LINGO2: variants seen among roughly 807,000 people sequenced by gnomAD.
LINGO2 encodes leucine rich repeat and Ig domain containing 2.
A neutral mutation model predicts 30.6 loss-of-function variants in LINGO2; 14 were observed. The observed-to-expected ratio is 0.46, with a 90% CI of 0.30 to 0.72. LINGO2 has a LOEUF of 0.72. Ranked by LOEUF, LINGO2 falls within the 30% of genes least tolerant of loss-of-function variation. The probability of loss-of-function intolerance (pLI) is 0.07; values close to 1 mark genes in which losing one functional copy is unlikely to be tolerated. For synonymous variants in LINGO2, 317 were observed against 288.5 expected (o/e 1.10, Z -1.00); for missense variants, 729 against 751.7 (o/e 0.97, Z 0.35).
intron 4 of LINGO2, among the ~76,000 whole-genome samples, chr9:28,123,028 A>T (rs1478434026): frequency 6.6e-6 from 1 of 152,144 alleles, no homozygotes; most frequent in East Asian, 1.9e-4. Flanking sequence ...TCTTTGGACC[A>T]AATTCTCAGC....
the LINGO2 span, among the ~76,000 whole-genome samples, chr9:28,960,377 G>A: frequency 6.6e-6 from 1 of 151,738 alleles, no homozygotes; most frequent in Non-Finnish European, 1.5e-5. Flanking sequence ...GTGGGCACCT[G>A]CAGTTCCAGC....
chr9:28,693,395 T>A, the LINGO2 span, among the ~76,000 whole-genome samples: 1 of 152,162 alleles, frequency 6.6e-6, no homozygotes, highest in Non-Finnish European at 1.5e-5. Context: ...TTTATTGCAC[T>A]GCTCTCATCC....
Position 28,402,782 on chromosome 9 carries a change from C to T in LINGO2, c.-278-29914G>A, listed in dbSNP as rs77428383. Among the ~76,000 whole-genome samples the T allele has an allele frequency of 9.2e-4, 140 of 152,212 alleles. 1 individual carries two copies. Among genetic ancestry groups the T allele is most frequent in the African/African-American group, 2.6e-3 (108 of 41,544 alleles). On this transcript the variant is annotated intron_variant, in intron 2 of 5. Coordinates refer to ENST00000379992, the Ensembl canonical transcript of LINGO2. The stretch of plus-strand genomic sequence containing the variant: ...ATATCCCAGGCTATCTTTCCCATCA[C>T]GTTTTTTCTGTCTTCTTTCTCAGTG...
At chr9:28,773,553 T>C in the LINGO2 span, among the ~76,000 whole-genome samples, 3 of 152,292 alleles carry the variant, frequency 2.0e-5, no homozygotes, top group East Asian at 3.9e-4. Context: ...AATGGTGGGC[T>C]GCATACTGAA....
At chr9:28,542,307 A>G (rs1024107015) in intron 1 of LINGO2, among the ~76,000 whole-genome samples, 2 of 151,894 alleles carry the variant, frequency 1.3e-5, no homozygotes, top group Admixed American at 1.3e-4. Flanking sequence ...CTATCTGCTG[A>G]TAGCTCTCCC....
chr9:28,463,432 G>C (rs1023851228), intron 2 of LINGO2, among the ~76,000 whole-genome samples: 1 of 151,984 alleles, frequency 6.6e-6, no homozygotes, highest in East Asian at 1.9e-4. Flanking sequence ...AATGAGAAAA[G>C]TGTTCACCTG....
chr9:28,763,565 G>C, the LINGO2 span, among the ~76,000 whole-genome samples: 1 of 151,388 alleles, frequency 6.6e-6, no homozygotes, highest in Non-Finnish European at 1.5e-5. Flanking sequence ...GGCAATAAAT[G>C]CCTACATTAA....
chr9:28,633,624 G>T (rs1184831580), intron 1 of LINGO2, among the ~76,000 whole-genome samples: 1 of 152,084 alleles, frequency 6.6e-6, no homozygotes, highest in Non-Finnish European at 1.5e-5. Flanking sequence ...TTGAAAAATT[G>T]AGATGTTCAT....
At chr9:29,135,330 C>T in the LINGO2 span, among the ~76,000 whole-genome samples, 1 of 152,026 alleles carries the variant, frequency 6.6e-6, no homozygotes, top group Non-Finnish European at 1.5e-5. Context: ...GAGGCCAAAG[C>T]GAGCAGATCA....
At chr9:29,106,018 T>G in the LINGO2 span, among the ~76,000 whole-genome samples, 2 of 152,206 alleles carry the variant, frequency 1.3e-5, no homozygotes, top group Non-Finnish European at 2.9e-5. Flanking sequence ...GCAGGAGACC[T>G]GCTAAAAACA....
intron 2 of LINGO2, among the ~76,000 whole-genome samples, chr9:28,405,847 C>T (rs1412233): frequency 0.58 from 88,610 of 151,704 alleles, 27,096 homozygotes; most frequent in Non-Finnish European, 0.68. Context: ...CGTTTTTCTT[C>T]CTTCCTTTTT....
At chr9:28,151,671 A>C (rs1448691926) in intron 4 of LINGO2, among the ~76,000 whole-genome samples, 1 of 151,848 alleles carries the variant, frequency 6.6e-6, no homozygotes, top group African/African-American at 2.4e-5. Context: ...GTTACTAGAA[A>C]ACTCAAAACA....
the LINGO2 span, among the ~76,000 whole-genome samples, chr9:28,710,511 A>AT: frequency 1.1e-4 from 17 of 151,986 alleles, no homozygotes; most frequent in East Asian, 1.2e-3. Flanking sequence ...AAACCACGAG[A>AT]TTTTTTTTCA....
intron 4 of LINGO2, among the ~76,000 whole-genome samples, chr9:28,189,239 G>A (rs142149827): frequency 7.2e-6 from 1 of 139,684 alleles, no homozygotes; most frequent in Admixed American, 7.4e-5. Flanking sequence ...AAGGAAAAAA[G>A]GAAGGGAGGA....
chr9:28,507,194 C>T (rs1467567542), intron 1 of LINGO2, among the ~76,000 whole-genome samples: 1 of 147,924 alleles, frequency 6.8e-6, no homozygotes, highest in East Asian at 2.0e-4. Flanking sequence ...AGAAATAGAC[C>T]TTACTGCATT....
the LINGO2 span, among the ~76,000 whole-genome samples, chr9:28,908,513 C>T: frequency 6.6e-5 from 10 of 151,964 alleles, no homozygotes; most frequent in East Asian, 1.9e-4. Context: ...TTCAGGAAGT[C>T]ACTTGTGTTC....
chr9:28,379,848 T>C (rs1252179122), intron 2 of LINGO2, among the ~76,000 whole-genome samples: 1 of 152,072 alleles, frequency 6.6e-6, no homozygotes, highest in African/African-American at 2.4e-5. Context: ...CTGCAAGGAA[T>C]GGCAGAAGTT....
chr9:29,028,263 G>A, the LINGO2 span, among the ~76,000 whole-genome samples: 2 of 151,848 alleles, frequency 1.3e-5, no homozygotes, highest in Non-Finnish European at 2.9e-5. Flanking sequence ...ATCAATATTA[G>A]AGGATTCTCA....
chr9:28,093,176 T>A (rs1042010560), intron 4 of LINGO2, among the ~76,000 whole-genome samples: 7 of 152,078 alleles, frequency 4.6e-5, no homozygotes, highest in Non-Finnish European at 1.0e-4. Context: ...AGACTAGTTC[T>A]AAGGCTCTGC....
Sources: gnomAD v4.1 joint callset for allele counts (sites outside exome capture counted in the v4.1 genomes callset) on GRCh38, gnomAD v4.1.1 for gene constraint, MANE v1.5 for transcripts, NCBI Gene and HGNC (gene_info 2026-07-23, HGNC 2026-07-21) for gene names.